Variants in RMDN1 observed in about 807,000 individuals in gnomAD.
RMDN1 encodes regulator of microtubule dynamics 1, also known as regulator of microtubule dynamics protein 1.
Under a neutral mutation model 48.9 loss-of-function variants are expected in RMDN1, and 48 were observed. The observed-to-expected ratio is 0.98, with a 90% CI of 0.78 to 1.25. The LOEUF is 1.25. Ranked by LOEUF, RMDN1 falls within the 50% of genes most tolerant of loss-of-function variation. The pLI is 0.00. For missense variants in RMDN1, 418 were observed against 373.4 expected, an observed-to-expected ratio of 1.12 and a Z score of -0.98; for synonymous variants, 148 against 132.6, an observed-to-expected ratio of 1.12 and a Z score of -0.80.
Position 86,472,415 on chromosome 8 carries a change from G to C in RMDN1, c.*1893C>G, listed in dbSNP as rs1020354003. ...AAAACCCATTTTAAAAAGCCATCCA[G>C]CAGAATGCCACATCCCTAGAAAGAC... On this transcript the variant is annotated 3_prime_UTR_variant, in exon 10 of 10. Coordinates refer to ENST00000406452, the MANE Select transcript of RMDN1 (RefSeq NM_016033.3). 28 of 702,330 alleles carry C rather than the reference G, an allele frequency of 4.0e-5. No homozygotes were observed. Among genetic ancestry groups the C allele is most frequent in the Non-Finnish European group, 7.0e-5 (27 of 384,962 alleles). The allele number at this position is 702,330 out of a possible 1,614,324, so 43.5% of individuals were successfully genotyped here.
downstream of RMDN1, among the ~76,000 whole-genome samples, chr8:86,470,697 T>TAGTC (rs1226443106): frequency 6.6e-6 from 1 of 152,200 alleles, no homozygotes; most frequent in Non-Finnish European, 1.5e-5. Context: ...AATGAAATAC[T>TAGTC]AGTCAACTGT....
At position 86,472,498 on chromosome 8, in the gene RMDN1, A is replaced by T; in HGVS notation, c.*1810T>A. 1.4e-6 allele frequency: 1 copy of T among 702,338 alleles called. No homozygotes were observed. Among genetic ancestry groups the T allele is most frequent in the Non-Finnish European group, 2.6e-6 (1 of 384,934 alleles). The allele number at this position is 702,338 out of a possible 1,614,324, so 43.5% of individuals were successfully genotyped here. ...TCTTCACCTACAAAAATAAAATTAC[A>T]GTATACAATAACCTTTTAAAATACA... On this transcript the variant is annotated 3_prime_UTR_variant, in exon 10 of 10. Transcript: ENST00000406452.
chr8:86,488,481 G>A lies in RMDN1; in HGVS notation c.335+71C>T, dbSNP rs2130875166. 1.5e-5 allele frequency: 12 copies of A among 812,678 alleles called. No individual in the cohort carries two copies. The South Asian group carries it at 2.2e-4, about 15-fold the overall frequency. 50.3% of individuals were successfully genotyped at this position (812,678 alleles called of 1,614,324 possible). A position where few individuals can be genotyped will look rare whatever the true frequency, so the allele number is the denominator to read the frequency against. ...AATTTTTAAAACCTCAAGCACTAAG[G>A]GTCATTTTAATTGTTAAATAACAAA... On this transcript the variant is annotated intron_variant, in intron 3 of 9. Coordinates refer to ENST00000406452, the MANE Select transcript of RMDN1 (RefSeq NM_016033.3).
chr8:86,504,218 T>C, intron 2 of RMDN1: 2 of 1,554,648 alleles, frequency 1.3e-6, no homozygotes, highest in South Asian at 2.2e-5. Flanking sequence ...CCCAGGTTTT[T>C]GCTCATTAAC....
At position 86,482,870 on chromosome 8, in the gene RMDN1, C is replaced by T. The variant is rs562297486; in HGVS notation, c.585+2002G>A. 5.5e-5 allele frequency: 63 copies of T among 1,147,052 alleles called. No homozygotes were observed. In the African/African-American group the frequency reaches 8.9e-4, roughly 16 times the overall value. 71.1% of individuals were successfully genotyped at this position (1,147,052 alleles called of 1,614,324 possible). On this transcript the variant is annotated intron_variant, in intron 5 of 9. Transcript: ENST00000406452. ...TCTCTTTGCTGAACATACAGAAGGCCCTGGGGTCCCAGTTGTTGAACAGAC... is the reference window on the plus strand; with the variant it reads ...TCTCTTTGCTGAACATACAGAAGGCTCTGGGGTCCCAGTTGTTGAACAGAC...
At position 86,503,366 on chromosome 8, in the gene RMDN1, C is replaced by CAAAAAAAAAAAA. The variant is rs1354324383; in HGVS notation, c.247+3628_247+3629insTTTTTTTTTTTT. Among the ~76,000 whole-genome samples the CAAAAAAAAAAAA allele has an allele frequency of 1.2e-3, 86 of 70,328 alleles. 1 individual carries two copies. Among genetic ancestry groups the CAAAAAAAAAAAA allele is most frequent in the Middle Eastern group, 8.1e-3 (1 of 124 alleles). The allele number at this position is 70,328 out of a possible 152,430, so 46.1% of individuals were successfully genotyped here. A position where few individuals can be genotyped will look rare whatever the true frequency, so the allele number is the denominator to read the frequency against. ...GACTCCGTCTCAAAACAAAACAAAA[C>CAAAAAAAAAAAA]AAAACAAAAAAAAAAAAAAAAAACA... On this transcript the variant is annotated intron_variant, in intron 2 of 9. Transcript: ENST00000406452.
At chr8:86,511,567 T>G (rs749953634), upstream of RMDN1, among the ~76,000 whole-genome samples, 7 of 152,040 alleles carry the variant, frequency 4.6e-5, no homozygotes, top group Non-Finnish European at 1.0e-4. Flanking sequence ...CCCAGCACTT[T>G]GAGAGGCCAA....
At chr8:86,498,465 C>T (rs1817718569) in intron 2 of RMDN1, among the ~76,000 whole-genome samples, 1 of 151,996 alleles carries the variant, frequency 6.6e-6, no homozygotes, top group South Asian at 2.1e-4. Flanking sequence ...AAAAGGAAAA[C>T]TTCAGGTCAT....
At chr8:86,506,514 G>A (rs1586793069) in intron 2 of RMDN1, among the ~76,000 whole-genome samples, 1 of 152,278 alleles carries the variant, frequency 6.6e-6, no homozygotes, top group East Asian at 1.9e-4. Context: ...ACACTTGAGA[G>A]GATGAATATG....
chr8:86,506,520 A>G (rs1332306134), intron 2 of RMDN1, among the ~76,000 whole-genome samples: 1 of 152,186 alleles, frequency 6.6e-6, no homozygotes, highest in African/African-American at 2.4e-5. Flanking sequence ...GAGAGGATGA[A>G]TATGTGTGCA....
chr8:86,483,394 A>C (rs1056765072), intron 5 of RMDN1, among the ~76,000 whole-genome samples: 3 of 152,194 alleles, frequency 2.0e-5, no homozygotes, highest in Non-Finnish European at 4.4e-5. Flanking sequence ...GAAATTAAGC[A>C]ATTTATCTAA....
chr8:86,498,287 A>C (rs1817693276), intron 2 of RMDN1, among the ~76,000 whole-genome samples: 1 of 151,974 alleles, frequency 6.6e-6, no homozygotes, highest in African/African-American at 2.4e-5. Context: ...AACCAGAAAA[A>C]GCCCTGGACT....
chr8:86,514,151 G>T, intron 1 of RMDN1: 2 of 580,046 alleles, frequency 3.4e-6, no homozygotes, highest in Non-Finnish European at 4.3e-6. Flanking sequence ...ACTGCGCCCA[G>T]TCTTCTCAGT....
At chr8:86,481,502 G>C (rs1303773554) in intron 5 of RMDN1, among the ~76,000 whole-genome samples, 1 of 150,552 alleles carries the variant, frequency 6.6e-6, no homozygotes, top group East Asian at 1.9e-4. Context: ...AGATGCATAG[G>C]AAGGAAGTTA....
chr8:86,481,301 C>G (rs1473552594), intron 5 of RMDN1, among the ~76,000 whole-genome samples: 14 of 152,092 alleles, frequency 9.2e-5, no homozygotes, highest in Admixed American at 7.9e-4. Context: ...ATGGAAAAGT[C>G]ATGTACTTAA....
chr8:86,475,862 T>A (rs1373066777), intron 8 of RMDN1, among the ~76,000 whole-genome samples: 1 of 152,206 alleles, frequency 6.6e-6, no homozygotes, highest in Non-Finnish European at 1.5e-5. Flanking sequence ...AATCATCCGA[T>A]CATTCATCTA....
At chr8:86,508,703 G>T, upstream of RMDN1, 1 of 1,359,040 alleles carries the variant, frequency 7.4e-7, no homozygotes, top group East Asian at 3.1e-5. Context: ...AATCCTTCCG[G>T]AAAGAACCGC....
rs370162731 is a variant in RMDN1 at position 86,477,261 on chromosome 8, C to T, written c.760+33G>A. On this transcript the variant is annotated intron_variant, in intron 8 of 9. Transcript: ENST00000406452. ...ATATTCAGCATTCATACAATTTTAA[C>T]TATATTAATATGTGTAATCAAAAAT... The T allele has an allele frequency of 1.2e-5, 18 of 1,496,400 alleles. No individual in the cohort carries two copies. The African/African-American group carries it at 2.2e-4, about 19-fold the overall frequency. The allele number at this position is 1,496,400 out of a possible 1,614,324, so 92.7% of individuals were successfully genotyped here. A position where few individuals can be genotyped will look rare whatever the true frequency, so the allele number is the denominator to read the frequency against.
upstream of RMDN1, among the ~76,000 whole-genome samples, chr8:86,509,833 A>G (rs577524499): frequency 6.4e-4 from 97 of 152,268 alleles, 1 homozygote; most frequent in South Asian, 2.5e-3. Context: ...TTTAAAGTCT[A>G]TCTTTAAAAA....
Sources: allele counts gnomAD v4.1 joint callset (sites outside exome capture counted in the v4.1 genomes callset), GRCh38; gene constraint gnomAD v4.1.1; transcripts MANE v1.5; gene names NCBI Gene and HGNC (gene_info 2026-07-23, HGNC 2026-07-21).